The following SMIM19 variants were observed in gnomAD, a reference collection of about 807,000 sequenced individuals.
SMIM19 encodes the protein small integral membrane protein 19.
A neutral mutation model predicts 13.2 loss-of-function variants in SMIM19; 6 were observed. The ratio of observed to expected loss-of-function variants is 0.45; its 90% confidence interval spans 0.25 to 0.90. The LOEUF is 0.90. Among genes scored for constraint, SMIM19 ranks in the 40% least tolerant of loss-of-function variants. The probability of loss-of-function intolerance (pLI) is 0.19; values close to 1 mark genes in which losing one functional copy is unlikely to be tolerated. For missense variants in SMIM19, 138 were observed against 131.0 expected, an observed-to-expected ratio of 1.05 and a Z score of -0.26; for synonymous variants, 46 against 43.1, an observed-to-expected ratio of 1.07 and a Z score of -0.27.
At chr8:42,547,533 C>T (rs1401759152) in intron 2 of SMIM19, among the ~76,000 whole-genome samples, 2 of 152,094 alleles carry the variant, frequency 1.3e-5, no homozygotes, top group East Asian at 1.9e-4. Context: ...GGCTTAAGTC[C>T]CTGAATGCAG....
chr8:42,546,120 A>G (rs1813473101), intron 1 of SMIM19, among the ~76,000 whole-genome samples: 1 of 152,232 alleles, frequency 6.6e-6, no homozygotes. Flanking sequence ...ACCTAAGCAC[A>G]TCCTCTATGT....
chr8:42,546,189 AG>A (rs1236130058), intron 1 of SMIM19, among the ~76,000 whole-genome samples: 2 of 152,250 alleles, frequency 1.3e-5, no homozygotes, highest in Non-Finnish European at 2.9e-5. Context: ...CTATGTAAAT[AG>A]TTGGTATAAT....
At position 42,552,656 on chromosome 8, in the gene SMIM19, C is replaced by CT; in HGVS notation, c.*51dup. On this transcript the variant is annotated 3_prime_UTR_variant, in exon 4 of 4. Transcript: ENST00000417410. ...AAGTAATTGTTTCAAGCTCCTGATT[C>CT]TTTCTACTAAATCATGAACAGCTTT... The CT allele has an allele frequency of 6.4e-7, 1 of 1,571,396 alleles. No homozygotes were observed. Among genetic ancestry groups the CT allele is most frequent in the East Asian group, 2.2e-5 (1 of 44,670 alleles).
Position 42,546,495 on chromosome 8 carries a change from T to A in SMIM19, c.23T>A (p.Met8Lys). Residue 8 changes from methionine (M) to lysine (K), a missense_variant, in exon 2 of 4, where the codon ATG (methionine) becomes AAG (lysine). Met to Lys is a moderately conservative substitution (Grantham distance 95). Transcript: ENST00000417410. Reference protein sequence around the residue: MAGGYGVMGDDGSIDYTV... With the variant: MAGGYGVKGDDGSIDYTV... Reference sequence around the variant, plus strand: ...CCCATGGCTGGGGGTTATGGAGTGATGGGTGACGATGGTTCTATTGATTAT... The same window carrying A: ...CCCATGGCTGGGGGTTATGGAGTGAAGGGTGACGATGGTTCTATTGATTAT... The A allele has an allele frequency of 1.9e-6, 3 of 1,613,166 alleles. 1 individual carries two copies. Among genetic ancestry groups the A allele is most frequent in the Non-Finnish European group, 2.5e-6 (3 of 1,179,782 alleles).
At chr8:42,547,136 G>A (rs1813519020) in intron 2 of SMIM19, among the ~76,000 whole-genome samples, 1 of 151,928 alleles carries the variant, frequency 6.6e-6, no homozygotes, top group Admixed American at 6.6e-5. Context: ...TGAGGCTGGT[G>A]GACCTCCTGA....
intron 1 of SMIM19, among the ~76,000 whole-genome samples, chr8:42,542,896 C>T (rs923569970): frequency 6.6e-6 from 1 of 151,572 alleles, no homozygotes; most frequent in African/African-American, 2.4e-5. Context: ...AGGAGAATCC[C>T]TCGATTCTGG....
At chr8:42,543,320 G>A (rs1813342371) in intron 1 of SMIM19, among the ~76,000 whole-genome samples, 1 of 152,138 alleles carries the variant, frequency 6.6e-6, no homozygotes, top group Admixed American at 6.5e-5. Context: ...CTGTGACTCA[G>A]GACCAGAGCA....
intron 2 of SMIM19, 114 bp downstream of exon 2, chr8:42,546,720 C>T: frequency 1.5e-6 from 2 of 1,297,150 alleles, no homozygotes; most frequent in Non-Finnish European, 1.0e-6. Context: ...CGCAGTGGCT[C>T]ACACCTGTAA....
chr8:42,546,578 A>C lies in SMIM19; in HGVS notation c.106A>C (p.Ser36Arg), dbSNP rs1813493918. ...TNVYLIVILVSFGLFMYAKRN... is the reference protein window; with the variant it reads ...TNVYLIVILVRFGLFMYAKRN... ...TGTTTACTTGATAGTTATCCTTGTTAGCTTCGGTCTCTTCATGTATGCCAA... is the reference window on the plus strand; with the variant it reads ...TGTTTACTTGATAGTTATCCTTGTTCGCTTCGGTCTCTTCATGTATGCCAA... The change falls in exon 2 of 4, where the codon AGC becomes CGC. Residue 36 changes from serine to arginine, a missense_variant. Ser to Arg is a moderately radical substitution (Grantham distance 110, BLOSUM62 -1). Coordinates refer to ENST00000417410, the MANE Select transcript of SMIM19 (RefSeq NM_001135674.2). The C allele has an allele frequency of 6.2e-7, 1 of 1,614,026 alleles. No homozygotes were observed. The highest frequency in any genetic ancestry group is 8.5e-7 in the Non-Finnish European group (1 of 1,180,020).
At chr8:42,542,463 G>A in intron 1 of SMIM19, 90 bp downstream of exon 1, 4 of 985,364 alleles carry the variant, frequency 4.1e-6, no homozygotes, top group Non-Finnish European at 4.8e-6. Flanking sequence ...AGAGGATTTT[G>A]TTGTAAGGGA....
chr8:42,547,203 T>TA (rs922395569), intron 2 of SMIM19, among the ~76,000 whole-genome samples: 1 of 151,204 alleles, frequency 6.6e-6, no homozygotes, highest in Admixed American at 6.6e-5. Flanking sequence ...CTACTAAAAA[T>TA]AAAAAAATTA....
At position 42,552,285 on chromosome 8, in the gene SMIM19, GTGTC is replaced by G. The variant is rs1813700706; in HGVS notation, c.260-251_260-248del. Among the ~76,000 whole-genome samples the G allele has an allele frequency of 2.0e-5, 3 of 152,210 alleles. No individual in the cohort carries two copies. The East Asian group carries it at 5.8e-4, about 29-fold the overall frequency. The stretch of plus-strand genomic sequence containing the variant: ...AATAAAAAATTAGCCGGGTGTGGTG[GTGTC>G]TGTCTGTGGTCTCAGCTACCTGGGA... On this transcript the variant is annotated intron_variant, in intron 3 of 3. Coordinates refer to ENST00000417410, the MANE Select transcript of SMIM19 (RefSeq NM_001135674.2).
intron 2 of SMIM19, 47 bp downstream of exon 2, chr8:42,546,653 T>A: frequency 6.3e-7 from 1 of 1,581,354 alleles, no homozygotes; most frequent in Non-Finnish European, 8.6e-7. Flanking sequence ...CATTTACAAG[T>A]TTTGCTAGTT....
Position 42,541,659 on chromosome 8 carries a change from C to A in SMIM19, c.-719C>A, listed in dbSNP as rs973950918. 4.0e-5 allele frequency: 6 copies of A among 149,850 alleles called. No homozygotes were observed. The highest frequency in any genetic ancestry group is 8.9e-5 in the Non-Finnish European group (6 of 67,210). 9.3% of individuals were successfully genotyped at this position (149,850 alleles called of 1,614,324 possible). ...GGCCCCGACTCCGGGGTAAAGAGCC[C>A]CGGAGCGGAGCAGCGCTGGCCGCGT... On this transcript the variant is annotated 5_prime_UTR_variant, in exon 1 of 4. Coordinates refer to ENST00000417410, the MANE Select transcript of SMIM19 (RefSeq NM_001135674.2).
At chr8:42,546,333 A>T (rs1813480746) in intron 1 of SMIM19, 136 bp from the exon 2 acceptor site, 1 of 985,612 alleles carries the variant, frequency 1.0e-6, no homozygotes, top group South Asian at 3.1e-5. Context: ...TGTAAATCCC[A>T]TTCTTGGCTC....
rs1813223453 is a variant in SMIM19 at position 42,541,859 on chromosome 8, C to A, written c.-519C>A. ...CGTGCGGTCCCCGAAACTCCGAGCA[C>A]CCGCCCGGTCCCGGCGCGGAGCCCC... On this transcript the variant is annotated 5_prime_UTR_variant, in exon 1 of 4. Coordinates refer to ENST00000417410, the MANE Select transcript of SMIM19 (RefSeq NM_001135674.2). 6.6e-6 allele frequency: 1 copy of A among 151,694 alleles called. No individual in the cohort carries two copies. 9.4% of individuals were successfully genotyped at this position (151,694 alleles called of 1,614,324 possible).
At position 42,546,468 on chromosome 8, in the gene SMIM19, G is replaced by GC. The variant is rs769378983; in HGVS notation, c.-1dup. On this transcript the variant is annotated splice_region_variant and 5_prime_UTR_variant. Coordinates refer to ENST00000417410, the MANE Select transcript of SMIM19 (RefSeq NM_001135674.2). ...ACCCTGCTTTCTTTTCTCTCTTACAGCCCCATGGCTGGGGGTTATGGAGTG... is the reference window on the plus strand; with the variant it reads ...ACCCTGCTTTCTTTTCTCTCTTACAGCCCCCATGGCTGGGGGTTATGGAGTG... 1.2e-6 allele frequency: 2 copies of GC among 1,603,412 alleles called. No individual in the cohort carries two copies. Among genetic ancestry groups the GC allele is most frequent in the South Asian group, 2.3e-5 (2 of 88,628 alleles).
intron 2 of SMIM19, among the ~76,000 whole-genome samples, chr8:42,547,321 C>T (rs954748951): frequency 5.3e-5 from 8 of 151,102 alleles, no homozygotes; most frequent in Middle Eastern, 3.4e-3. Flanking sequence ...CGTGCCATTG[C>T]ACTCCAGCCT....
intron 1 of SMIM19, among the ~76,000 whole-genome samples, chr8:42,543,863 T>C (rs1231712151): frequency 6.6e-6 from 1 of 152,236 alleles, no homozygotes; most frequent in African/African-American, 2.4e-5. Context: ...ATAATTGTCC[T>C]GGGCCTTCTG....
Sources: gnomAD v4.1 joint callset for allele counts (sites outside exome capture counted in the v4.1 genomes callset) on GRCh38, gnomAD v4.1.1 for gene constraint, MANE v1.5 for transcripts, NCBI Gene and HGNC (gene_info 2026-07-23, HGNC 2026-07-21) for gene names.